The following ITGAV variants were observed in gnomAD, a reference collection of about 807,000 sequenced individuals.
ITGAV encodes the protein integrin subunit alpha V.
A neutral mutation model predicts 143.8 loss-of-function variants in ITGAV; 76 were observed. The ratio of observed to expected loss-of-function variants is 0.53; its 90% CI spans 0.44 to 0.64. The LOEUF (loss-of-function observed/expected upper bound fraction) is 0.64. Among genes scored for constraint, ITGAV ranks in the 30% least tolerant of loss-of-function variants. The pLI, the probability that ITGAV is intolerant of heterozygous loss-of-function variation, is 0.00. For missense variants in ITGAV, 1,193 were observed against 1,274.7 expected (o/e 0.94, Z 0.98); for synonymous variants, 453 against 446.7 (o/e 1.01, Z -0.18).
intron 17 of ITGAV, 39 bp from the exon 18 acceptor site, chr2:186,658,999 G>A: frequency 6.5e-7 from 1 of 1,545,652 alleles, no homozygotes; most frequent in South Asian, 1.2e-5. Flanking sequence ...GATAATTTAG[G>A]TTGACGTTAT....
Position 186,675,657 on chromosome 2 carries a change from CAG to C in ITGAV, c.2763_2764del (p.Gly922LysfsTer14). On this transcript the variant is annotated frameshift_variant, in exon 27 of 30. Transcript: ENST00000261023. LOFTEE classifies it high-confidence loss of function. ...KIVCQVGRLD[R>X]GKSAILYVKS... Reference sequence around the variant, plus strand: ...TTGTCTGCCAAGTTGGGAGATTAGACAGAGGAAAGAGTGCAATCTTGTACGTA... The same window carrying C: ...TTGTCTGCCAAGTTGGGAGATTAGACAGGAAAGAGTGCAATCTTGTACGTA... 6.2e-7 allele frequency: 1 copy of C among 1,614,022 alleles called. No homozygotes were observed. Among genetic ancestry groups the C allele is most frequent in the Non-Finnish European group, 8.5e-7 (1 of 1,179,952 alleles).
In ITGAV at chr2:186,668,841, T is replaced by C; in HGVS notation, c.2513T>C (p.Leu838Pro). 1 of 1,612,908 alleles carries C rather than the reference T, an allele frequency of 6.2e-7. No individual in the cohort carries two copies. Among genetic ancestry groups the C allele is most frequent in the East Asian group, 2.2e-5 (1 of 44,836 alleles). Residue 838 changes from leucine to proline, a missense_variant, in exon 25 of 30, where the codon CTG becomes CCG. Coordinates refer to ENST00000261023, the MANE Select transcript of ITGAV (RefSeq NM_002210.5). ...CCTTACAAATATAATAATAACACTC[T>C]GTTGTATATCCTTCATTATGATATT... Reference protein sequence around the residue: ...QWPYKYNNNTLLYILHYDIDG... With the variant: ...QWPYKYNNNTPLYILHYDIDG...
intron 14 of ITGAV, among the ~76,000 whole-genome samples, chr2:186,651,728 C>T (rs1043979463): frequency 6.6e-6 from 1 of 152,136 alleles, no homozygotes; most frequent in Non-Finnish European, 1.5e-5. Context: ...TATAGGCCAG[C>T]CATTGTCCCA....
chr2:186,675,850 A>C lies in ITGAV; in HGVS notation c.2851A>C (p.Lys951Gln). 1.9e-6 allele frequency: 3 copies of C among 1,608,006 alleles called. No individual in the cohort carries two copies. The highest frequency in any genetic ancestry group is 2.6e-6 in the Non-Finnish European group (3 of 1,176,276). The change falls in exon 28 of 30, where the codon AAG (lysine) becomes CAG (glutamine). Residue 951 changes from lysine to glutamine, a missense_variant. Physicochemically the swap from Lys to Gln is moderately conservative, Grantham distance 53. Coordinates refer to ENST00000261023, the MANE Select transcript of ITGAV (RefSeq NM_002210.5). ...KENQNHSYSL[K>Q]SSASFNVIEF... ...AAATCAGAATCATTCCTATTCTCTG[A>C]AGTCGTCTGCTTCATTTAATGTCAT...
At chr2:186,666,422 C>A in intron 21 of ITGAV, among the ~76,000 whole-genome samples, 1 of 152,110 alleles carries the variant, frequency 6.6e-6, no homozygotes, top group East Asian at 1.9e-4. Context: ...TTCACTGGAT[C>A]AACAAACATT....
Position 186,598,556 on chromosome 2 carries a change from G to A in ITGAV, c.186-3465G>A, listed in dbSNP as rs1452361964. 2.0e-5 allele frequency among the ~76,000 whole-genome samples: 3 copies of A among 150,766 alleles called. No homozygotes were observed. The East Asian group carries it at 5.9e-4, about 30-fold the overall frequency. ...AGGTTCAAGTGATTCTCCTGCCTCA[G>A]CCTCCCGAGTAGCTGGGATTACAGG... On this transcript the variant is annotated intron_variant, in intron 1 of 29. Transcript: ENST00000261023.
At chr2:186,610,258 C>T (rs564545919) in intron 2 of ITGAV, among the ~76,000 whole-genome samples, 59 of 152,052 alleles carry the variant, frequency 3.9e-4, no homozygotes, top group Non-Finnish European at 5.6e-4. Context: ...AAAAGTTACT[C>T]GCTGCTTTGA....
intron 2 of ITGAV, among the ~76,000 whole-genome samples, chr2:186,607,036 G>C (rs1317693219): frequency 6.6e-6 from 1 of 151,982 alleles, no homozygotes; most frequent in African/African-American, 2.4e-5. Flanking sequence ...TCATGAAAAG[G>C]AATAGGCCTT....
At chr2:186,647,097 C>A (rs184493342) in intron 13 of ITGAV, among the ~76,000 whole-genome samples, 5 of 152,088 alleles carry the variant, frequency 3.3e-5, no homozygotes, top group Non-Finnish European at 1.5e-5. Flanking sequence ...CTGAGTTTCT[C>A]CTGTAGTCTT....
At chr2:186,625,381 A>G in intron 3 of ITGAV, 92 bp from the exon 4 acceptor site, 1 of 736,778 alleles carries the variant, frequency 1.4e-6, no homozygotes, top group Non-Finnish European at 2.3e-6. Flanking sequence ...CAAAAAAGAG[A>G]AAGTGGTATT....
At chr2:186,621,791 T>C (rs1234483128) in intron 2 of ITGAV, among the ~76,000 whole-genome samples, 3 of 152,182 alleles carry the variant, frequency 2.0e-5, no homozygotes, top group African/African-American at 7.2e-5. Flanking sequence ...ATTTTCTCAA[T>C]AGTGAGGGCT....
intron 1 of ITGAV, among the ~76,000 whole-genome samples, chr2:186,593,145 G>T (rs1243768410): frequency 1.3e-5 from 2 of 152,166 alleles, no homozygotes; most frequent in Non-Finnish European, 2.9e-5. Context: ...AGGGGAGAAG[G>T]ATTTGTGAGG....
At chr2:186,614,248 G>A (rs73050264) in intron 2 of ITGAV, among the ~76,000 whole-genome samples, 3,945 of 151,916 alleles carry the variant, frequency 0.026, 190 homozygotes, top group African/African-American at 0.091. Flanking sequence ...GAAACCAAGG[G>A]CCATAGGATA....
rs1688810000 is a variant in ITGAV, at chr2:186,663,670, G to A, written c.1858-98G>A. 6.4e-6 allele frequency: 5 copies of A among 777,256 alleles called. No homozygotes were observed. The South Asian group carries it at 6.7e-5, about 10-fold the overall frequency. The allele number at this position is 777,256 out of a possible 1,614,324, so 48.1% of individuals were successfully genotyped here. On this transcript the variant is annotated intron_variant, in intron 18 of 29. Coordinates refer to ENST00000261023, the MANE Select transcript of ITGAV (RefSeq NM_002210.5). ...GATGAGTATCTGAAAATATATACAT[G>A]TGTACATATAGGCTTAACCACATAG...
chr2:186,639,259 A>G lies in ITGAV; in HGVS notation c.903+794A>G, dbSNP rs770733021. On this transcript the variant is annotated intron_variant, in intron 10 of 29. Transcript: ENST00000261023. Reference sequence around the variant, plus strand: ...AATGATGAATAAACATTTAAACAGTAGGTAGAGAAAAATCTTTCTCAAAGT... The same window carrying G: ...AATGATGAATAAACATTTAAACAGTGGGTAGAGAAAAATCTTTCTCAAAGT... Among the ~76,000 whole-genome samples, 141 of 152,230 alleles carry G rather than the reference A, an allele frequency of 9.3e-4. 2 individuals are homozygous for G. The highest frequency in any genetic ancestry group is 1.6e-3 in the Non-Finnish European group (112 of 68,034).
Position 186,616,753 on chromosome 2 carries a change from C to T in ITGAV, c.317-5586C>T, listed in dbSNP as rs1258507796. 4.6e-5 allele frequency among the ~76,000 whole-genome samples: 7 copies of T among 152,020 alleles called. No homozygotes were observed. The South Asian group carries it at 1.2e-3, about 27-fold the overall frequency. On this transcript the variant is annotated intron_variant, in intron 2 of 29. Transcript: ENST00000261023. ...TTGAAAAGCAAGGACTTATCTGTCT[C>T]GTTTAATGCTATATTACTAGCATAT...
chr2:186,622,325 A>G lies in ITGAV; in HGVS notation c.317-14A>G, dbSNP rs200865945. 1.5e-5 allele frequency: 24 copies of G among 1,575,178 alleles called. No homozygotes were observed. In the African/African-American group the frequency reaches 1.9e-4, roughly 12 times the overall value. ...TATATTTTGTGTCTTACCACTCACAATATTCTTTTTTAGGCAATAGAGATT... is the reference window on the plus strand; with the variant it reads ...TATATTTTGTGTCTTACCACTCACAGTATTCTTTTTTAGGCAATAGAGATT... On this transcript the variant is annotated splice_polypyrimidine_tract_variant and intron_variant, in intron 2 of 29. Coordinates refer to ENST00000261023, the MANE Select transcript of ITGAV (RefSeq NM_002210.5).
intron 26 of ITGAV, among the ~76,000 whole-genome samples, chr2:186,674,049 C>T (rs573324462): frequency 6.6e-6 from 1 of 152,292 alleles, no homozygotes; most frequent in South Asian, 2.1e-4. Context: ...TTATAGCTTA[C>T]TGCAACCTCG....
chr2:186,675,221 A>T (rs1448064115), intron 26 of ITGAV, among the ~76,000 whole-genome samples: 1 of 152,196 alleles, frequency 6.6e-6, no homozygotes, highest in Non-Finnish European at 1.5e-5. Flanking sequence ...TTTCTTTTCC[A>T]TGGGGATGTT....
Sources: gnomAD v4.1 joint callset for allele counts (sites outside exome capture counted in the v4.1 genomes callset) on GRCh38, gnomAD v4.1.1 for gene constraint, MANE v1.5 for transcripts, NCBI Gene and HGNC (gene_info 2026-07-23, HGNC 2026-07-21) for gene names.